The following LIMS1 variants were observed in gnomAD, a reference collection of about 807,000 sequenced individuals.
LIMS1 encodes the protein LIM and senescent cell antigen-like-containing domain protein 1.
Under a neutral mutation model 44.1 loss-of-function variants are expected in LIMS1, and 18 were observed. The observed-to-expected ratio is 0.41, with a 90% CI of 0.28 to 0.61. The LOEUF (loss-of-function observed/expected upper bound fraction) is 0.61. Among genes scored for constraint, LIMS1 ranks in the 20% least tolerant of loss-of-function variants. The pLI, the probability that LIMS1 is intolerant of heterozygous loss-of-function variation, is 0.32. For synonymous variants in LIMS1, 93 were observed against 149.1 expected (o/e 0.62, Z 2.74); for missense variants, 201 against 422.0 (o/e 0.48, Z 4.59).
chr2:108,550,359 C>T (rs537715783), intron 1 of LIMS1, among the ~76,000 whole-genome samples: 7 of 149,944 alleles, frequency 4.7e-5, no homozygotes, highest in East Asian at 2.0e-4. Flanking sequence ...ATTAGCCGGG[C>T]GCGGTGGCAG....
chr2:108,636,668 T>C (rs1490453782), intron 1 of LIMS1, among the ~76,000 whole-genome samples: 1 of 152,216 alleles, frequency 6.6e-6, no homozygotes, highest in East Asian at 1.9e-4. Context: ...AATTGCCATA[T>C]TTTTATATAT....
chr2:108,536,975 T>C (rs1684165475), intron 1 of LIMS1, among the ~76,000 whole-genome samples: 1 of 152,210 alleles, frequency 6.6e-6, no homozygotes, highest in Non-Finnish European at 1.5e-5. Flanking sequence ...AATCGTATGT[T>C]TAGTTTTTTG....
chr2:108,594,029 A>G (rs1686540668), intron 1 of LIMS1, among the ~76,000 whole-genome samples: 1 of 152,210 alleles, frequency 6.6e-6, no homozygotes, highest in East Asian at 1.9e-4. Flanking sequence ...AATTCAGACA[A>G]TAGCAGTGAG....
chr2:108,535,468 C>T (rs1684099815), intron 1 of LIMS1, among the ~76,000 whole-genome samples: 2 of 152,132 alleles, frequency 1.3e-5, no homozygotes, highest in African/African-American at 4.8e-5. Context: ...GTGGCCTTTG[C>T]ACACAGTTAC....
intron 2 of LIMS1, among the ~76,000 whole-genome samples, chr2:108,664,701 A>T (rs1405371357): frequency 6.6e-6 from 1 of 152,198 alleles, no homozygotes; most frequent in Non-Finnish European, 1.5e-5. Context: ...AAGTTGAGCT[A>T]TACTATGTTT....
At chr2:108,670,150 T>C (rs1258337624) in intron 2 of LIMS1, among the ~76,000 whole-genome samples, 1 of 147,328 alleles carries the variant, frequency 6.8e-6, no homozygotes, top group Admixed American at 6.9e-5. Context: ...GTAAAAATCT[T>C]GGCTGTTAAG....
Position 108,573,202 on chromosome 2 carries a change from T to G in LIMS1, c.32+38608T>G, listed in dbSNP as rs1685543779. On this transcript the variant is annotated intron_variant, in intron 1 of 9. Coordinates refer to ENST00000544547, the Ensembl canonical transcript of LIMS1. The stretch of plus-strand genomic sequence containing the variant: ...AGTTTCTAAATACTTACTCTCAATT[T>G]CTGCACTTATTTTATTGCAGAGTGA... Among the ~76,000 whole-genome samples the G allele has an allele frequency of 2.6e-5, 4 of 152,242 alleles. No homozygotes were observed. The South Asian group carries it at 8.3e-4, about 32-fold the overall frequency.
intron 1 of LIMS1, among the ~76,000 whole-genome samples, chr2:108,616,546 C>CA (rs1687943215): frequency 6.6e-6 from 1 of 152,134 alleles, no homozygotes; most frequent in African/African-American, 2.4e-5. Context: ...CCTGTCCAGT[C>CA]AGATGTGTCA....
At chr2:108,557,021 G>A (rs1029145446) in intron 1 of LIMS1, among the ~76,000 whole-genome samples, 8 of 152,050 alleles carry the variant, frequency 5.3e-5, no homozygotes, top group Non-Finnish European at 1.0e-4. Flanking sequence ...GCGTTCATCC[G>A]CCTTCGTTCA....
chr2:108,674,798 A>G (rs1237281202), intron 5 of LIMS1, among the ~76,000 whole-genome samples: 1 of 149,200 alleles, frequency 6.7e-6, no homozygotes, highest in Non-Finnish European at 1.5e-5. Flanking sequence ...TTGTGATTGA[A>G]TTATCAGTTT....
chr2:108,543,583 A>G (rs948165834), intron 1 of LIMS1, among the ~76,000 whole-genome samples: 2 of 152,202 alleles, frequency 1.3e-5, no homozygotes, highest in African/African-American at 4.8e-5. Flanking sequence ...GTGATTTAGT[A>G]GGAGACAAGG....
chr2:108,555,553 G>A (rs1297535183), intron 1 of LIMS1, among the ~76,000 whole-genome samples: 1 of 152,244 alleles, frequency 6.6e-6, no homozygotes, highest in African/African-American at 2.4e-5. Flanking sequence ...TGAGCACTCT[G>A]AGCACAAAGT....
At chr2:108,598,522 G>A (rs1245756974) in intron 1 of LIMS1, among the ~76,000 whole-genome samples, 4 of 152,164 alleles carry the variant, frequency 2.6e-5, no homozygotes, top group Admixed American at 6.5e-5. Flanking sequence ...CAGCTAGTTC[G>A]ATATTTTGCT....
chr2:108,584,181 C>A (rs1430900328), intron 1 of LIMS1, among the ~76,000 whole-genome samples: 1 of 152,158 alleles, frequency 6.6e-6, no homozygotes, highest in Non-Finnish European at 1.5e-5. Context: ...GATCTCTCCA[C>A]AATCACAGTG....
Position 108,676,649 on chromosome 2 carries a change from G to A in LIMS1, c.725G>A (p.Arg242His), listed in dbSNP as rs1385918440. 4.6e-6 allele frequency: 7 copies of A among 1,510,066 alleles called. 1 individual carries two copies. The Middle Eastern group carries it at 7.0e-4, about 150-fold the overall frequency. 93.5% of individuals were successfully genotyped at this position (1,510,066 alleles called of 1,614,324 possible). A position where few individuals can be genotyped will look rare whatever the true frequency, so the allele number is the denominator to read the frequency against. ...TGTGAGAAACCCTTTCTTGGACATC[G>A]CCATTATGAGAGGAAAGGCCTGGCA... is the stretch of plus-strand genomic sequence containing the variant. Residue 242 changes from arginine (R) to histidine (H), a missense_variant, in exon 7 of 10, where the codon CGC becomes CAC. Arg to His is a conservative substitution (Grantham distance 29). Transcript: ENST00000544547.
chr2:108,557,385 TTAAGAC>T (rs776807230), intron 1 of LIMS1, among the ~76,000 whole-genome samples: 3 of 151,898 alleles, frequency 2.0e-5, no homozygotes, highest in Non-Finnish European at 4.4e-5. Context: ...CCTTTTTTTC[TTAAGAC>T]TATAGATTTT....
intron 9 of LIMS1, among the ~76,000 whole-genome samples, chr2:108,683,652 G>A (rs939916094): frequency 4.0e-5 from 6 of 151,498 alleles, no homozygotes; most frequent in Middle Eastern, 3.4e-3. Flanking sequence ...GTGTTACACA[G>A]ATGGATGTAT....
chr2:108,581,774 C>T (rs1394840741), intron 1 of LIMS1, among the ~76,000 whole-genome samples: 1 of 151,956 alleles, frequency 6.6e-6, no homozygotes, highest in Non-Finnish European at 1.5e-5. Flanking sequence ...CCCATCGCTA[C>T]TAAAAATACA....
intron 1 of LIMS1, among the ~76,000 whole-genome samples, chr2:108,573,320 T>TC (rs771389666): frequency 8.7e-4 from 131 of 150,524 alleles, no homozygotes; most frequent in Admixed American, 2.8e-3. Flanking sequence ...TTTTTTTTTT[T>TC]CTACTGGGTA....
Sources: gnomAD v4.1 joint callset for allele counts (sites outside exome capture counted in the v4.1 genomes callset) on GRCh38, gnomAD v4.1.1 for gene constraint, MANE v1.5 for transcripts, NCBI Gene and HGNC (gene_info 2026-07-23, HGNC 2026-07-21) for gene names.